NELFB: variants seen among roughly 807,000 people sequenced by gnomAD.
The protein encoded by NELFB is negative elongation factor complex member B, also known as negative elongation factor B.
A neutral mutation model predicts 60.2 loss-of-function variants in NELFB; 34 were observed. The observed-to-expected ratio is 0.56, with a 90% confidence interval of 0.43 to 0.75. NELFB has a LOEUF of 0.75. NELFB is among the 30% of genes least tolerant of loss of function. NELFB has a pLI of 0.00. For missense variants in NELFB, 770 were observed against 831.6 expected (o/e 0.93, Z 0.91); for synonymous variants, 459 against 382.1 (o/e 1.20, Z -2.35).
chr9:137,272,742 C>G (rs1157878875), intron 12 of NELFB, 40 bp from the exon 13 acceptor site: 10 of 1,522,596 alleles, frequency 6.6e-6, no homozygotes, highest in Non-Finnish European at 8.9e-6. Context: ...CCTGGGCCTG[C>G]CCATGCGCCT....
Position 137,272,101 on chromosome 9 carries a change from G to A in NELFB, c.1510G>A (p.Ala504Thr). ...TGCAGTGGAGACCTTTGGCGACTTGGCCTTTGGCGACATCTTCCTCCACCT... is the reference window on the plus strand; with the variant it reads ...TGCAGTGGAGACCTTTGGCGACTTGACCTTTGGCGACATCTTCCTCCACCT... Residue 504 changes from alanine to threonine, a missense_variant, in exon 11 of 13, where the codon GCC (alanine) becomes ACC (threonine). Coordinates refer to ENST00000343053, the MANE Select transcript of NELFB (RefSeq NM_015456.5). The A allele has an allele frequency of 1.2e-6, 2 of 1,614,166 alleles. No homozygotes were observed. The highest frequency in any genetic ancestry group is 8.5e-7 in the Non-Finnish European group (1 of 1,180,022).
chr9:137,256,901 G>C lies in NELFB; in HGVS notation c.588G>C (p.Gln196His). The change falls in exon 4 of 13, where the codon CAG becomes CAC. Residue 196 changes from glutamine to histidine, a missense_variant. By Grantham distance (24) the Gln-to-His change is conservative. Transcript: ENST00000343053. ...CCTGCGCCGTGGAGGTGAAGCGGCA[G>C]ATCTGGCAAGACAACCAGGCCCTCT... The C allele has an allele frequency of 6.2e-7, 1 of 1,614,240 alleles. No individual in the cohort carries two copies. Among genetic ancestry groups the C allele is most frequent in the East Asian group, 2.2e-5 (1 of 44,890 alleles).
At chr9:137,256,659 T>C (rs1342303305) in intron 3 of NELFB, among the ~76,000 whole-genome samples, 165 bp from the exon 4 acceptor site, 1 of 152,162 alleles carries the variant, frequency 6.6e-6, no homozygotes, top group Non-Finnish European at 1.5e-5. Flanking sequence ...TGTTGGTATT[T>C]AGCATGTCTG....
At chr9:137,261,941 C>T (rs1003340125) in intron 4 of NELFB, among the ~76,000 whole-genome samples, 11 of 151,436 alleles carry the variant, frequency 7.3e-5, no homozygotes, top group South Asian at 2.1e-4. Flanking sequence ...TTCACGTGTC[C>T]GCTTGACAGG....
At chr9:137,266,094 T>A in intron 7 of NELFB, 115 bp downstream of exon 7, 1 of 864,014 alleles carries the variant, frequency 1.2e-6, no homozygotes, top group Non-Finnish European at 1.8e-6. Flanking sequence ...TGGGGCCCTG[T>A]GGCCGCCCTG....
chr9:137,261,808 C>T (rs1184160051), intron 4 of NELFB, among the ~76,000 whole-genome samples: 1 of 152,056 alleles, frequency 6.6e-6, no homozygotes, highest in Non-Finnish European at 1.5e-5. Context: ...GGACCATTAC[C>T]ACCAAGACGC....
chr9:137,266,468 G>A (rs762603017), intron 8 of NELFB, 42 bp downstream of exon 8: 53 of 1,564,266 alleles, frequency 3.4e-5, no homozygotes, highest in Middle Eastern at 1.8e-4. Context: ...CCTACGAGGG[G>A]TTGTGGGCTG....
intron 11 of NELFB, 90 bp downstream of exon 11, chr9:137,272,312 G>A (rs961098521): frequency 2.7e-5 from 42 of 1,571,638 alleles, no homozygotes; most frequent in Middle Eastern, 3.4e-4. Flanking sequence ...CCAGCCTGGG[G>A]CGGAGGGTCC....
chr9:137,256,572 A>T, intron 3 of NELFB, 144 bp downstream of exon 3: 1 of 805,286 alleles, frequency 1.2e-6, no homozygotes, highest in Admixed American at 2.5e-5. Context: ...CTCTGTGCTG[A>T]CTTCTCCCAC....
rs1830517747 is a variant in NELFB, at chr9:137,266,360, G to A, written c.1173G>A (p.Arg391=). 2 of 1,612,980 alleles carry A rather than the reference G, an allele frequency of 1.2e-6. No individual in the cohort carries two copies. The highest frequency in any genetic ancestry group is 1.1e-5 in the South Asian group (1 of 91,082). ...GCCCCGACCTCCTGCTGCTGCTCCGGCTGCTGGCGCTGGGCCAGGGAGCCT... is the reference window on the plus strand; with the variant it reads ...GCCCCGACCTCCTGCTGCTGCTCCGACTGCTGGCGCTGGGCCAGGGAGCCT... The change falls in exon 8 of 13, where the codon CGG becomes CGA. Residue 391 remains arginine, a synonymous_variant. Coordinates refer to ENST00000343053, the MANE Select transcript of NELFB (RefSeq NM_015456.5).
At chr9:137,267,497 T>C in intron 10 of NELFB, 151 bp downstream of exon 10, 6 of 654,770 alleles carry the variant, frequency 9.2e-6, no homozygotes, top group East Asian at 5.7e-5. Context: ...CACCTTTTTT[T>C]TTTTTTTTTT....
intron 9 of NELFB, 29 bp downstream of exon 9, chr9:137,267,115 GT>G: frequency 1.2e-6 from 2 of 1,613,604 alleles, no homozygotes; most frequent in Non-Finnish European, 1.7e-6. Flanking sequence ...TGGTGCAGGG[GT>G]GGCCGTGGCG....
At chr9:137,258,179 A>G (rs1362685213) in intron 4 of NELFB, among the ~76,000 whole-genome samples, 2 of 136,632 alleles carry the variant, frequency 1.5e-5, no homozygotes, top group African/African-American at 5.6e-5. Flanking sequence ...GTTGGAGTAC[A>G]GTGGTGTGAT....
rs1564444571 is a variant in NELFB, at chr9:137,266,354, G to A, written c.1167G>A (p.Leu389=). 1 of 1,612,936 alleles carries A rather than the reference G, an allele frequency of 6.2e-7. No homozygotes were observed. The highest frequency in any genetic ancestry group is 8.5e-7 in the Non-Finnish European group (1 of 1,179,982). The stretch of plus-strand genomic sequence containing the variant: ...AGGACAGCCCCGACCTCCTGCTGCT[G>A]CTCCGGCTGCTGGCGCTGGGCCAGG... Residue 389 remains leucine (L), a synonymous_variant, in exon 8 of 13, where the codon CTG becomes CTA. Coordinates refer to ENST00000343053, the MANE Select transcript of NELFB (RefSeq NM_015456.5).
chr9:137,263,382 C>T lies in NELFB; in HGVS notation c.927+160C>T, dbSNP rs201337719. 6.8e-3 allele frequency among the ~76,000 whole-genome samples: 653 copies of T among 95,996 alleles called. 28 individuals carry two copies. The East Asian group carries it at 0.095, about 14-fold the overall frequency. 63.0% of individuals were successfully genotyped at this position (95,996 alleles called of 152,430 possible). A position where few individuals can be genotyped will look rare whatever the true frequency, so the allele number is the denominator to read the frequency against. Reference sequence around the variant, plus strand: ...CCCTCCTTCTCCCTTCTCCCCCGCTCCCCGGCCCTCCCTCCTCCCCCTCCG... The same window carrying T: ...CCCTCCTTCTCCCTTCTCCCCCGCTTCCCGGCCCTCCCTCCTCCCCCTCCG... On this transcript the variant is annotated intron_variant, in intron 5 of 12. Transcript: ENST00000343053.
rs1224823285 is a variant in NELFB at position 137,255,438 on chromosome 9, G to A, written c.73G>A (p.Val25Met). The change falls in exon 1 of 13, where the codon GTG (valine) becomes ATG (methionine). Residue 25 changes from valine (V) to methionine (M), a missense_variant. Coordinates refer to ENST00000343053, the MANE Select transcript of NELFB (RefSeq NM_015456.5). ...AGGCCCGGCGGAGCGGGCTTCTGGG[G>A]TGTCTGCGGCGGCGCCGGGGGAACG... 3 of 1,358,714 alleles carry A rather than the reference G, an allele frequency of 2.2e-6. No homozygotes were observed. Among genetic ancestry groups the A allele is most frequent in the Non-Finnish European group, 2.9e-6 (3 of 1,025,496 alleles). The allele number at this position is 1,358,714 out of a possible 1,614,324, so 84.2% of individuals were successfully genotyped here. A position where few individuals can be genotyped will look rare whatever the true frequency, so the allele number is the denominator to read the frequency against.
rs772429206 is a variant in NELFB, at chr9:137,272,157, C to T, written c.1566C>T (p.Asp522=). The stretch of plus-strand genomic sequence containing the variant: ...CGGGCAACCTTGCGCTGCTGGCCGA[C>T]GAATTTGCCCTTGAGGACTTCTGCA... Residue 522 remains aspartate (D), a synonymous_variant, in exon 11 of 13, where the codon GAC becomes GAT. Transcript: ENST00000343053. 1.2e-5 allele frequency: 19 copies of T among 1,614,090 alleles called. No individual in the cohort carries two copies. The highest frequency in any genetic ancestry group is 1.1e-4 in the South Asian group (10 of 91,082).
intron 4 of NELFB, among the ~76,000 whole-genome samples, chr9:137,257,286 C>T (rs1418552718): frequency 6.6e-6 from 1 of 152,242 alleles, no homozygotes; most frequent in African/African-American, 2.4e-5. Flanking sequence ...CATTTAAAAT[C>T]TGCGGAAAGC....
intron 2 of NELFB, 112 bp downstream of exon 2, chr9:137,256,182 G>A: frequency 7.2e-7 from 1 of 1,381,998 alleles, no homozygotes; most frequent in Non-Finnish European, 1.0e-6. Context: ...TCCCAGAGGT[G>A]GCCTGGGCCT....
Sources: gnomAD v4.1 joint callset for allele counts (sites outside exome capture counted in the v4.1 genomes callset) on GRCh38, gnomAD v4.1.1 for gene constraint, MANE v1.5 for transcripts, NCBI Gene and HGNC (gene_info 2026-07-23, HGNC 2026-07-21) for gene names.